B4GALT6: variants seen among roughly 807,000 people sequenced by gnomAD.
The protein encoded by B4GALT6 is UDP-Gal:beta-GlcNAc beta-1,4-galactosyltransferase 6.
Under a neutral mutation model 46.3 loss-of-function variants are expected in B4GALT6, and 14 were observed. That is an observed-to-expected ratio of 0.30 (90% confidence interval 0.20 to 0.47). B4GALT6 has a LOEUF of 0.47. Ranked by LOEUF, B4GALT6 falls within the 20% of genes least tolerant of loss-of-function variation. The pLI, the probability that B4GALT6 is intolerant of heterozygous loss-of-function variation, is 0.99. For synonymous variants in B4GALT6, 168 were observed against 162.0 expected, an observed-to-expected ratio of 1.04 and a Z score of -0.28; for missense variants, 386 against 480.1, an observed-to-expected ratio of 0.80 and a Z score of 1.83.
intron 4 of B4GALT6, among the ~76,000 whole-genome samples, chr18:31,645,110 T>C (rs1286556747): frequency 6.6e-6 from 1 of 152,202 alleles, no homozygotes; most frequent in Non-Finnish European, 1.5e-5. Context: ...CACGTATTTA[T>C]TACCAGGAAC....
chr18:31,705,429 C>T, the B4GALT6 span, among the ~76,000 whole-genome samples: 3 of 152,152 alleles, frequency 2.0e-5, no homozygotes, highest in Non-Finnish European at 4.4e-5. Context: ...AATCTTGTCG[C>T]CCAGGCTGGA....
At position 31,666,361 on chromosome 18, in the gene B4GALT6, G is replaced by C; in HGVS notation, c.127C>G (p.Leu43Val). The C allele has an allele frequency of 6.3e-7, 1 of 1,576,854 alleles. No homozygotes were observed. The highest frequency in any genetic ancestry group is 8.7e-7 in the Non-Finnish European group (1 of 1,153,198). ...ATACCTCGAGCTTGTACCATAAAGA[G>C]ATATGTGTTGGCTATAAAAGAAAAA... ...YVAPGIANTY[L>V]FMVQARGIML... The change falls in exon 2 of 9, where the codon CTC becomes GTC. Residue 43 changes from leucine (L) to valine (V), a missense_variant. Transcript: ENST00000306851.
chr18:31,677,524 C>T (rs2074427816), intron 1 of B4GALT6, among the ~76,000 whole-genome samples: 1 of 152,118 alleles, frequency 6.6e-6, no homozygotes, highest in Non-Finnish European at 1.5e-5. Context: ...GGAGTAAATG[C>T]TTAATTTTCC....
chr18:31,660,703 A>C (rs764129174), intron 2 of B4GALT6, among the ~76,000 whole-genome samples: 10 of 152,284 alleles, frequency 6.6e-5, no homozygotes, highest in South Asian at 4.1e-4. Flanking sequence ...AATAATACAT[A>C]ATAGGAGTTC....
chr18:31,652,643 C>T (rs992537705), intron 3 of B4GALT6, among the ~76,000 whole-genome samples: 22 of 152,204 alleles, frequency 1.4e-4, no homozygotes, highest in African/African-American at 5.1e-4. Flanking sequence ...CACTAACTTC[C>T]CCATCCTCCA....
intron 3 of B4GALT6, among the ~76,000 whole-genome samples, chr18:31,646,482 TAAAAGGCTATTG>T (rs2073992288): frequency 6.6e-6 from 1 of 152,240 alleles, no homozygotes; most frequent in Non-Finnish European, 1.5e-5. Context: ...GAACAGGATG[TAAAAGGCTATTG>T]AAACTACAGA....
At chr18:31,641,727 C>T (rs2073933037) in intron 4 of B4GALT6, among the ~76,000 whole-genome samples, 1 of 152,208 alleles carries the variant, frequency 6.6e-6, no homozygotes, top group Non-Finnish European at 1.5e-5. Flanking sequence ...CTCCTCACCA[C>T]CTCTTGATCA....
At chr18:31,647,815 A>T (rs2074010105) in intron 3 of B4GALT6, among the ~76,000 whole-genome samples, 1 of 152,128 alleles carries the variant, frequency 6.6e-6, no homozygotes, top group Non-Finnish European at 1.5e-5. Flanking sequence ...TGCTGCAGAT[A>T]AACTAATGAT....
intron 1 of B4GALT6, among the ~76,000 whole-genome samples, chr18:31,672,229 A>G (rs1181994488): frequency 5.3e-5 from 8 of 152,238 alleles, no homozygotes; most frequent in Admixed American, 2.0e-4. Context: ...ATGCTGCCAC[A>G]GTTCCCAGGT....
At chr18:31,665,574 T>C (rs919183092) in intron 2 of B4GALT6, among the ~76,000 whole-genome samples, 4 of 151,734 alleles carry the variant, frequency 2.6e-5, no homozygotes, top group African/African-American at 9.7e-5. Context: ...CCCGTCTCTA[T>C]CAAAAATTTA....
chr18:31,686,278 A>C (rs903925288), upstream of B4GALT6: 6 of 152,224 alleles, frequency 3.9e-5, no homozygotes, highest in African/African-American at 1.4e-4. Flanking sequence ...CGGGATGCGC[A>C]TGCCATAGAT....
At chr18:31,672,152 T>C (rs1598924182) in intron 1 of B4GALT6, among the ~76,000 whole-genome samples, 1 of 152,360 alleles carries the variant, frequency 6.6e-6, no homozygotes, top group South Asian at 2.1e-4. Context: ...AACTGTTTCC[T>C]GGGCTTTGCA....
intron 1 of B4GALT6, among the ~76,000 whole-genome samples, chr18:31,682,179 T>C (rs958802667): frequency 1.3e-5 from 2 of 152,170 alleles, no homozygotes; most frequent in African/African-American, 4.8e-5. Flanking sequence ...AAAGTGAGCC[T>C]GACACTTCAA....
chr18:31,672,407 T>C (rs2074366708), intron 1 of B4GALT6, among the ~76,000 whole-genome samples: 2 of 152,146 alleles, frequency 1.3e-5, no homozygotes, highest in Admixed American at 1.3e-4. Context: ...CGTGATAAAT[T>C]CCCAGAGGAA....
At chr18:31,664,461 T>C (rs1054225101) in intron 2 of B4GALT6, among the ~76,000 whole-genome samples, 1 of 152,078 alleles carries the variant, frequency 6.6e-6, no homozygotes, top group Admixed American at 6.5e-5. Flanking sequence ...CAAACTTTAA[T>C]CTAAGTATGC....
At chr18:31,677,411 T>A (rs1049693538) in intron 1 of B4GALT6, among the ~76,000 whole-genome samples, 3 of 152,170 alleles carry the variant, frequency 2.0e-5, no homozygotes, top group Admixed American at 1.3e-4. Flanking sequence ...CAAATCAAAC[T>A]GGCCTAATAC....
rs117827175 is a variant in B4GALT6, at chr18:31,659,312, C to G, written c.233-1223G>C. ...AGTATGTGAGAGGAGCCAAAGAAAA[C>G]TAAGCACCTCCATTGCACACCTTTA... On this transcript the variant is annotated intron_variant, in intron 2 of 8. Coordinates refer to ENST00000306851, the MANE Select transcript of B4GALT6 (RefSeq NM_004775.5). Among the ~76,000 whole-genome samples the G allele has an allele frequency of 4.1e-4, 63 of 152,318 alleles. 1 individual carries two copies. The East Asian group carries it at 0.01, about 25-fold the overall frequency.
intron 1 of B4GALT6, among the ~76,000 whole-genome samples, chr18:31,681,679 A>T (rs1413293739): frequency 6.6e-6 from 1 of 152,218 alleles, no homozygotes; most frequent in Non-Finnish European, 1.5e-5. Flanking sequence ...AAAGAAGAGG[A>T]ACTAAAATGA....
the B4GALT6 span, among the ~76,000 whole-genome samples, chr18:31,716,731 G>C: frequency 6.6e-6 from 1 of 152,152 alleles, no homozygotes; most frequent in Non-Finnish European, 1.5e-5. Context: ...TCTCTTGGAG[G>C]TACCCCAAGT....
Sources: allele counts gnomAD v4.1 joint callset (sites outside exome capture counted in the v4.1 genomes callset), GRCh38; gene constraint gnomAD v4.1.1; transcripts MANE v1.5; gene names NCBI Gene and HGNC (gene_info 2026-07-23, HGNC 2026-07-21).